STK33: variants seen among roughly 807,000 people sequenced by gnomAD.
The protein encoded by STK33 is serine/threonine kinase 33.
Under a neutral mutation model 58.0 loss-of-function variants are expected in STK33, and 52 were observed. The observed-to-expected ratio is 0.90, with a 90% confidence interval of 0.72 to 1.13. The LOEUF (loss-of-function observed/expected upper bound fraction) is 1.13. STK33 is among the 50% of genes most tolerant of loss of function. The pLI is 0.00. For synonymous variants in STK33, 215 were observed against 200.1 expected, an observed-to-expected ratio of 1.07 and a Z score of -0.63; for missense variants, 630 against 604.2, an observed-to-expected ratio of 1.04 and a Z score of -0.45.
chr11:8,567,077 T>G (rs956849829), intron 1 of STK33, among the ~76,000 whole-genome samples: 1 of 151,994 alleles, frequency 6.6e-6, no homozygotes, highest in African/African-American at 2.4e-5. Flanking sequence ...GAGGTAGAGG[T>G]TGCAGTGATC....
At chr11:8,351,443 G>C in the STK33 span, among the ~76,000 whole-genome samples, 1,581 of 152,322 alleles carry the variant, frequency 0.01, 27 homozygotes, top group African/African-American at 0.036. Flanking sequence ...CCCACCATGA[G>C]GGCCACAGGG....
At chr11:8,379,685 G>A in the STK33 span, among the ~76,000 whole-genome samples, 1 of 152,136 alleles carries the variant, frequency 6.6e-6, no homozygotes, top group Admixed American at 6.5e-5. Flanking sequence ...GTAAACTTGT[G>A]TCATGGGCGC....
At chr11:8,366,880 T>C in the STK33 span, among the ~76,000 whole-genome samples, 1 of 152,212 alleles carries the variant, frequency 6.6e-6, no homozygotes, top group Admixed American at 6.5e-5. Context: ...CAGGATGAGT[T>C]TTCCCCAGGG....
At chr11:8,376,549 CTT>C in the STK33 span, among the ~76,000 whole-genome samples, 6 of 144,440 alleles carry the variant, frequency 4.2e-5, no homozygotes, top group Admixed American at 7.0e-5. Flanking sequence ...ATTCTTTTTT[CTT>C]TTTTTTTTTT....
chr11:8,506,376 G>A (rs1402968276), intron 1 of STK33, among the ~76,000 whole-genome samples: 2 of 152,082 alleles, frequency 1.3e-5, no homozygotes, highest in Non-Finnish European at 2.9e-5. Flanking sequence ...TTCTATTGCT[G>A]CTGTAACAAA....
chr11:8,399,685 T>C (rs1850035264), intron 15 of STK33, among the ~76,000 whole-genome samples: 1 of 152,010 alleles, frequency 6.6e-6, no homozygotes, highest in African/African-American at 2.4e-5. Flanking sequence ...CAGGAGCTGG[T>C]TTTTTGAAAA....
intron 11 of STK33, among the ~76,000 whole-genome samples, chr11:8,444,465 G>A (rs565606694): frequency 6.6e-6 from 1 of 152,058 alleles, no homozygotes; most frequent in South Asian, 2.1e-4. Context: ...GTTCACTGTT[G>A]TATTTTTAAT....
chr11:8,564,123 T>C (rs2140989090), intron 1 of STK33, among the ~76,000 whole-genome samples: 1 of 152,230 alleles, frequency 6.6e-6, no homozygotes, highest in East Asian at 1.9e-4. Flanking sequence ...AGGGGCAGGA[T>C]GTAAGAGAAT....
chr11:8,504,457 A>G (rs1055206360), intron 1 of STK33, among the ~76,000 whole-genome samples: 1 of 152,112 alleles, frequency 6.6e-6, no homozygotes, highest in Non-Finnish European at 1.5e-5. Flanking sequence ...ATTTTCAGGA[A>G]TTTTGAGATA....
the STK33 span, among the ~76,000 whole-genome samples, chr11:8,367,447 T>C: frequency 5.9e-5 from 9 of 152,208 alleles, no homozygotes; most frequent in African/African-American, 2.2e-4. Context: ...TCTCTGCTTC[T>C]TTAGGTACTG....
intron 1 of STK33, among the ~76,000 whole-genome samples, chr11:8,574,898 A>T (rs1958072120): frequency 6.6e-6 from 1 of 151,648 alleles, no homozygotes; most frequent in East Asian, 1.9e-4. Context: ...AAAAAAAAAT[A>T]GCCAAGTCTG....
At chr11:8,581,836 G>A (rs1159552510) in intron 1 of STK33, among the ~76,000 whole-genome samples, 23 of 152,182 alleles carry the variant, frequency 1.5e-4, no homozygotes, top group Admixed American at 1.5e-3. Flanking sequence ...TTTAAAATCA[G>A]ATTTAATCAT....
intron 1 of STK33, among the ~76,000 whole-genome samples, chr11:8,541,550 C>T (rs1955518070): frequency 6.6e-6 from 1 of 152,116 alleles, no homozygotes; most frequent in South Asian, 2.1e-4. Context: ...TGAACAACTC[C>T]TTACTAAATA....
At chr11:8,507,185 G>A (rs1951925594) in intron 1 of STK33, among the ~76,000 whole-genome samples, 1 of 152,120 alleles carries the variant, frequency 6.6e-6, no homozygotes, top group African/African-American at 2.4e-5. Context: ...AAAGAGCCTT[G>A]GTTGAGCAAA....
At chr11:8,586,775 G>T (rs2031714110) in intron 1 of STK33, among the ~76,000 whole-genome samples, 1 of 121,694 alleles carries the variant, frequency 8.2e-6, no homozygotes, top group Admixed American at 1.1e-4. Flanking sequence ...AGTGAGCCAA[G>T]ATCACACCAC....
intron 1 of STK33, among the ~76,000 whole-genome samples, chr11:8,509,723 T>C (rs1435520605): frequency 2.6e-5 from 4 of 152,146 alleles, no homozygotes; most frequent in Non-Finnish European, 2.9e-5. Context: ...TGCATCCTCA[T>C]AGTTTAGCTC....
chr11:8,483,047 T>G (rs1213637796), intron 1 of STK33, among the ~76,000 whole-genome samples: 1 of 152,276 alleles, frequency 6.6e-6, no homozygotes, highest in South Asian at 2.1e-4. Flanking sequence ...AACTATCTTA[T>G]GTAATTGTTG....
intron 8 of STK33, 21 bp from the exon 9 acceptor site, chr11:8,457,500 G>A: frequency 6.5e-7 from 1 of 1,537,414 alleles, no homozygotes; most frequent in East Asian, 2.3e-5. Flanking sequence ...ATATATAAAA[G>A]AGAGAGAGAG....
intron 1 of STK33, among the ~76,000 whole-genome samples, chr11:8,489,276 A>C (rs972316512): frequency 6.6e-6 from 1 of 150,822 alleles, no homozygotes. Context: ...AAAAAAGAAA[A>C]AAAAAAAGAA....
Sources: allele counts gnomAD v4.1 joint callset (sites outside exome capture counted in the v4.1 genomes callset), GRCh38; gene constraint gnomAD v4.1.1; transcripts MANE v1.5; gene names NCBI Gene and HGNC (gene_info 2026-07-23, HGNC 2026-07-21).